The following CMSS1 variants were observed in gnomAD, a reference collection of about 807,000 sequenced individuals.
CMSS1 encodes cms1 ribosomal small subunit homolog.
A neutral mutation model predicts 43.5 loss-of-function variants in CMSS1; 33 were observed. The observed-to-expected ratio is 0.76, with a 90% CI of 0.57 to 1.01. The LOEUF is 1.01. Among genes scored for constraint, CMSS1 ranks in the 50% least tolerant of loss-of-function variants. CMSS1 has a pLI of 0.00. For missense variants in CMSS1, 313 were observed against 326.4 expected (o/e 0.96, Z 0.32); for synonymous variants, 115 against 117.2 (o/e 0.98, Z 0.12).
chr3:100,015,976 T>C (rs1320125454), intron 1 of CMSS1, among the ~76,000 whole-genome samples: 2 of 152,228 alleles, frequency 1.3e-5, no homozygotes, highest in Non-Finnish European at 2.9e-5. Flanking sequence ...TTTTTAATTT[T>C]TTTATTTTCT....
chr3:99,931,481 G>A (rs1032335784), intron 1 of CMSS1, among the ~76,000 whole-genome samples: 3 of 152,120 alleles, frequency 2.0e-5, no homozygotes, highest in Non-Finnish European at 4.4e-5. Context: ...GAGCTTTTAT[G>A]GGGTTTTTTG....
chr3:100,139,885 T>G (rs77800946), intron 1 of CMSS1, among the ~76,000 whole-genome samples: 1 of 151,166 alleles, frequency 6.6e-6, no homozygotes, highest in Non-Finnish European at 1.5e-5. Context: ...ATACACTGCC[T>G]AGGGCAGTGT....
At chr3:100,141,399 G>T in intron 1 of CMSS1, 1 of 318,952 alleles carries the variant, frequency 3.1e-6, no homozygotes, top group Non-Finnish European at 6.2e-6. Flanking sequence ...ACTACTCCCT[G>T]GGAGATACGT....
At chr3:99,995,973 AT>A (rs1222166233) in intron 1 of CMSS1, among the ~76,000 whole-genome samples, 1 of 151,860 alleles carries the variant, frequency 6.6e-6, no homozygotes, top group Non-Finnish European at 1.5e-5. Flanking sequence ...CATTTTCCCC[AT>A]TGTCTTGGTG....
rs559742179 is a variant in CMSS1 at position 100,073,378 on chromosome 3, C to G, written c.65-73595C>G. 1.6e-3 allele frequency among the ~76,000 whole-genome samples: 240 copies of G among 152,252 alleles called. 1 individual carries two copies. Among genetic ancestry groups the G allele is most frequent in the Non-Finnish European group, 2.9e-3 (198 of 68,024 alleles). On this transcript the variant is annotated intron_variant, in intron 1 of 9. Coordinates refer to ENST00000421999, the MANE Select transcript of CMSS1 (RefSeq NM_032359.4). ...ACAAAAAAAGTTTGCTGGCCCAGGACAGCAAAATGAAGCAAGCTGTCCTGT... is the reference window on the plus strand; with the variant it reads ...ACAAAAAAAGTTTGCTGGCCCAGGAGAGCAAAATGAAGCAAGCTGTCCTGT...
intron 1 of CMSS1, among the ~76,000 whole-genome samples, chr3:99,857,591 C>T (rs1465631221): frequency 6.6e-6 from 1 of 152,216 alleles, no homozygotes; most frequent in Non-Finnish European, 1.5e-5. Context: ...TATAATCTGA[C>T]CACCCTAAAA....
At chr3:99,952,184 C>A (rs1489663033) in intron 1 of CMSS1, among the ~76,000 whole-genome samples, 1 of 151,092 alleles carries the variant, frequency 6.6e-6, no homozygotes, top group African/African-American at 2.4e-5. Flanking sequence ...TTTTCGTTGA[C>A]TTAATAAGGG....
At chr3:99,869,421 T>A (rs1944677829) in intron 1 of CMSS1, among the ~76,000 whole-genome samples, 2 of 152,194 alleles carry the variant, frequency 1.3e-5, no homozygotes. Context: ...TCAAACATAA[T>A]GTATTTATTT....
At chr3:100,151,100 C>T (rs1048215539) in intron 2 of CMSS1, among the ~76,000 whole-genome samples, 1 of 152,142 alleles carries the variant, frequency 6.6e-6, no homozygotes, top group Admixed American at 6.5e-5. Context: ...CTTTATTTGA[C>T]CATTGGTCAT....
chr3:100,014,174 A>G (rs1220251970), intron 1 of CMSS1, among the ~76,000 whole-genome samples: 1 of 151,022 alleles, frequency 6.6e-6, no homozygotes, highest in South Asian at 2.1e-4. Flanking sequence ...AACCCTGAAT[A>G]GTAGTATTAC....
chr3:99,973,044 C>T (rs988148629), intron 1 of CMSS1, among the ~76,000 whole-genome samples: 1 of 151,902 alleles, frequency 6.6e-6, no homozygotes, highest in Non-Finnish European at 1.5e-5. Context: ...TATCTGTTCA[C>T]AAAATTAGGT....
intron 1 of CMSS1, among the ~76,000 whole-genome samples, chr3:99,974,754 G>GA (rs1323237223): frequency 5.3e-5 from 8 of 152,032 alleles, no homozygotes; most frequent in African/African-American, 1.7e-4. Context: ...GTTTGGAGTG[G>GA]AAAAAACCTG....
At chr3:99,987,080 A>T (rs954152781) in intron 1 of CMSS1, among the ~76,000 whole-genome samples, 1 of 151,876 alleles carries the variant, frequency 6.6e-6, no homozygotes, top group African/African-American at 2.4e-5. Flanking sequence ...AAATACAAAA[A>T]TTAGCCAACC....
At chr3:100,146,803 C>T (rs1016253611) in intron 1 of CMSS1, among the ~76,000 whole-genome samples, 170 bp from the exon 2 acceptor site, 2 of 152,152 alleles carry the variant, frequency 1.3e-5, no homozygotes, top group Admixed American at 6.5e-5. Context: ...ATGAGAATGC[C>T]ATCTTAGTGC....
intron 1 of CMSS1, among the ~76,000 whole-genome samples, chr3:99,910,600 GT>G (rs1366442452): frequency 7.4e-6 from 1 of 136,008 alleles, no homozygotes; most frequent in East Asian, 2.0e-4. Flanking sequence ...GGAGTATTAT[GT>G]TTTAGCCCTT....
intron 1 of CMSS1, among the ~76,000 whole-genome samples, chr3:99,919,819 A>G (rs1576572966): frequency 6.6e-6 from 1 of 152,188 alleles, no homozygotes; most frequent in African/African-American, 2.4e-5. Flanking sequence ...CTTCATTGAA[A>G]CTTAACAGCA....
At chr3:100,164,247 G>A (rs987885089) in intron 4 of CMSS1, among the ~76,000 whole-genome samples, 11 of 152,188 alleles carry the variant, frequency 7.2e-5, no homozygotes, top group African/African-American at 2.7e-4. Context: ...TTTAACTGAA[G>A]TTTAATTTTT....
At chr3:99,852,479 C>A (rs1943746642) in intron 1 of CMSS1, among the ~76,000 whole-genome samples, 1 of 152,046 alleles carries the variant, frequency 6.6e-6, no homozygotes, top group Non-Finnish European at 1.5e-5. Context: ...TTGAGTCTCA[C>A]TCTGTCGCCA....
intron 1 of CMSS1, among the ~76,000 whole-genome samples, chr3:99,827,835 C>A (rs1212546640): frequency 6.6e-6 from 1 of 152,272 alleles, no homozygotes; most frequent in East Asian, 1.9e-4. Flanking sequence ...GAACTCCCAA[C>A]CTCAGGTGAT....
Sources: gnomAD v4.1 joint callset for allele counts (sites outside exome capture counted in the v4.1 genomes callset) on GRCh38, gnomAD v4.1.1 for gene constraint, MANE v1.5 for transcripts, NCBI Gene and HGNC (gene_info 2026-07-23, HGNC 2026-07-21) for gene names.